Variants in SYNE1 observed in about 807,000 individuals in gnomAD.
The protein encoded by SYNE1 is spectrin repeat containing nuclear envelope protein 1, also known as nesprin-1.
Under a neutral mutation model 1,111.0 loss-of-function variants are expected in SYNE1, and 616 were observed. The ratio of observed to expected loss-of-function variants is 0.55; its 90% CI spans 0.52 to 0.59. The LOEUF is 0.59. Among genes scored for constraint, SYNE1 ranks in the 20% least tolerant of loss-of-function variants. The pLI is 0.00. For synonymous variants in SYNE1, 3,855 were observed against 3,825.8 expected (o/e 1.01, Z -0.28); for missense variants, 10,006 against 10,417.0 (o/e 0.96, Z 1.72).
At position 152,217,056 on chromosome 6, in the gene SYNE1, C is replaced by T. The variant is rs534950838; in HGVS notation, c.22191+1201G>A. On this transcript the variant is annotated intron_variant, in intron 121 of 145. Transcript: ENST00000367255. The stretch of plus-strand genomic sequence containing the variant: ...CCAGCCTGCGCAATAGAGCAAGACT[C>T]TATCTCAAAAAAAAAAAAAATTCAC... 3.6e-3 allele frequency among the ~76,000 whole-genome samples: 454 copies of T among 127,444 alleles called. 2 individuals carry two copies. The highest frequency in any genetic ancestry group is 0.012 in the African/African-American group (431 of 34,616). The allele number at this position is 127,444 out of a possible 152,430, so 83.6% of individuals were successfully genotyped here.
intron 126 of SYNE1, among the ~76,000 whole-genome samples, chr6:152,204,931 T>C (rs761030700): frequency 3.9e-5 from 6 of 152,152 alleles, no homozygotes; most frequent in Non-Finnish European, 7.4e-5. Context: ...CTCTACAGGA[T>C]GAGTTACAAT....
intron 3 of SYNE1, among the ~76,000 whole-genome samples, chr6:152,614,749 A>G (rs1448797670): frequency 1.3e-5 from 2 of 152,248 alleles, no homozygotes; most frequent in Non-Finnish European, 2.9e-5. Flanking sequence ...TCCATCAATG[A>G]TAGACCGAAT....
At chr6:152,182,239 T>C (rs915572803) in intron 128 of SYNE1, among the ~76,000 whole-genome samples, 7 of 152,214 alleles carry the variant, frequency 4.6e-5, no homozygotes, top group South Asian at 2.1e-4. Context: ...CTTGTGTTCA[T>C]AGTGCTGGTT....
chr6:152,505,110 T>A, intron 9 of SYNE1, 91 bp downstream of exon 9: 1 of 1,427,380 alleles, frequency 7.0e-7, no homozygotes, highest in Non-Finnish European at 9.8e-7. Context: ...TGGCCTCCAA[T>A]AGAATCTTGG....
intron 10 of SYNE1, among the ~76,000 whole-genome samples, chr6:152,502,335 C>A (rs1468796199): frequency 6.6e-6 from 1 of 152,188 alleles, no homozygotes. Flanking sequence ...AATACAATTA[C>A]TTCAATTCTC....
intron 6 of SYNE1, among the ~76,000 whole-genome samples, chr6:152,516,802 T>G (rs374807871): frequency 2.6e-5 from 4 of 152,200 alleles, no homozygotes; most frequent in South Asian, 4.2e-4. Context: ...CCCAGGCTGA[T>G]CTCAAACTCC....
At chr6:152,166,814 G>A (rs1398528730) in intron 130 of SYNE1, among the ~76,000 whole-genome samples, 1 of 152,160 alleles carries the variant, frequency 6.6e-6, no homozygotes, top group East Asian at 1.9e-4. Context: ...TGTGCTGGGG[G>A]AGCAGAGGTG....
intron 41 of SYNE1, among the ~76,000 whole-genome samples, chr6:152,414,370 C>A (rs2098120300): frequency 6.6e-6 from 1 of 151,996 alleles, no homozygotes; most frequent in African/African-American, 2.4e-5. Flanking sequence ...GATTGCAACA[C>A]TGCACTCTAG....
At chr6:152,525,806 T>A (rs193008445) in intron 5 of SYNE1, among the ~76,000 whole-genome samples, 11 of 152,352 alleles carry the variant, frequency 7.2e-5, no homozygotes, top group African/African-American at 2.4e-4. Flanking sequence ...TGGTTAATCA[T>A]GTTAAGTTAC....
Position 152,140,024 on chromosome 6 carries a change from C to T in SYNE1, c.25384G>A (p.Glu8462Lys), listed in dbSNP as rs767021373. 1.2e-5 allele frequency: 20 copies of T among 1,614,170 alleles called. No homozygotes were observed. The Admixed American group carries it at 1.7e-4, about 13-fold the overall frequency. ...TCCAGACGCTGGAGCTGTTCCAACT[C>T]CTCCTCCGTGTCCCCCAGCCAGGCC... is the stretch of plus-strand genomic sequence containing the variant. ...IWAWLGDTEEELEQLQRLELS... is the reference protein window; with the variant it reads ...IWAWLGDTEEKLEQLQRLELS... The change falls in exon 140 of 146, where the codon GAG becomes AAG. Residue 8462 changes from glutamate to lysine, a missense_variant. Around this residue, in one of 7 missense-constraint regions of SYNE1, gnomAD observed 761 missense variants for 795.5 expected, o/e 0.96. Transcript: ENST00000367255.
In SYNE1 at chr6:152,364,722, AAGGAAGGG is replaced by A. The variant is rs1345618603; in HGVS notation, c.10145+117_10145+124del. The A allele has an allele frequency of 3.2e-4, 338 of 1,068,594 alleles. 3 individuals are homozygous for A. The African/African-American group carries it at 3.6e-3, about 11-fold the overall frequency. 66.2% of individuals were successfully genotyped at this position (1,068,594 alleles called of 1,614,324 possible). On this transcript the variant is annotated intron_variant, in intron 63 of 145. Coordinates refer to ENST00000367255, the MANE Select transcript of SYNE1 (RefSeq NM_182961.4). ...GAAGGAAGGAAGGAAGGAAGGAAGG[AAGGAAGGG>A]AGGAAGGAAAGGAAAGGGAAGGGAA...
chr6:152,239,881 G>A (rs775697857), intron 107 of SYNE1, among the ~76,000 whole-genome samples, 175 bp from the exon 108 acceptor site: 47 of 151,992 alleles, frequency 3.1e-4, no homozygotes, highest in Non-Finnish European at 2.9e-4. Flanking sequence ...CAATGTGGTG[G>A]AATCCGTTTC....
intron 58 of SYNE1, among the ~76,000 whole-genome samples, chr6:152,375,902 G>A (rs574262025): frequency 1.3e-5 from 2 of 152,060 alleles, no homozygotes; most frequent in African/African-American, 4.8e-5. Flanking sequence ...TTTTAAGTGG[G>A]GATTTATTTG....
chr6:152,318,283 A>T lies in SYNE1; in HGVS notation c.16390-20T>A, dbSNP rs919156180. ...CAGCACCTTGATGGTCACCAAAATGAAAGAACATTAGAGTACAGAAAATAA... is the reference window on the plus strand; with the variant it reads ...CAGCACCTTGATGGTCACCAAAATGTAAGAACATTAGAGTACAGAAAATAA... On this transcript the variant is annotated intron_variant, in intron 85 of 145. Transcript: ENST00000367255. 1 of 1,613,910 alleles carries T rather than the reference A, an allele frequency of 6.2e-7. No individual in the cohort carries two copies. The highest frequency in any genetic ancestry group is 1.3e-5 in the African/African-American group (1 of 74,932).
Position 152,598,035 on chromosome 6 carries a change from G to A in SYNE1, c.67+30230C>T, listed in dbSNP as rs2099586734. On this transcript the variant is annotated intron_variant, in intron 3 of 145. Transcript: ENST00000367255. ...TACATTTAAACGAGGTAAGAAAAAG[G>A]AAATATTTCCTGGGCCTTAGGGAGA... Among the ~76,000 whole-genome samples the A allele has an allele frequency of 2.6e-5, 4 of 152,198 alleles. No individual in the cohort carries two copies. In the South Asian group the frequency reaches 8.3e-4, roughly 32 times the overall value.
At chr6:152,348,804 T>C (rs2096687847) in intron 72 of SYNE1, among the ~76,000 whole-genome samples, 1 of 151,618 alleles carries the variant, frequency 6.6e-6, no homozygotes, top group Admixed American at 6.6e-5. Context: ...CAACATAGGG[T>C]AGCCTGGGTA....
intron 67 of SYNE1, among the ~76,000 whole-genome samples, chr6:152,354,196 C>A (rs116253324): frequency 6.6e-6 from 1 of 152,058 alleles, no homozygotes; most frequent in African/African-American, 2.4e-5. Flanking sequence ...ATTTTTTAGA[C>A]CTCCTATTGT....
rs1029789190 is a variant in SYNE1 at position 152,376,412 on chromosome 6, C to T, written c.9293G>A (p.Ser3098Asn). Residue 3098 changes from serine (S) to asparagine (N), a missense_variant, in exon 58 of 146, where the codon AGT becomes AAT. Transcript: ENST00000367255. ...TTTCTGAAGACTAGTTGAAACTTCACTTATATTTTGAGGTATATCAAAACA... is the reference window on the plus strand; with the variant it reads ...TTTCTGAAGACTAGTTGAAACTTCATTTATATTTTGAGGTATATCAAAACA... ...AKCFDIPQNI[S>N]EVSTSLQKIQ... 6.2e-7 allele frequency: 1 copy of T among 1,614,192 alleles called. No homozygotes were observed. Among genetic ancestry groups the T allele is most frequent in the African/African-American group, 1.3e-5 (1 of 75,052 alleles).
chr6:152,351,992 C>T (rs2096749119), intron 70 of SYNE1, 35 bp downstream of exon 70: 12 of 1,600,596 alleles, frequency 7.5e-6, no homozygotes, highest in Admixed American at 5.0e-5. Flanking sequence ...TCTGTGTGAC[C>T]TCTGCATGCA....
Sources: gnomAD v4.1 joint callset for allele counts (sites outside exome capture counted in the v4.1 genomes callset) on GRCh38, gnomAD v4.1.1 for gene constraint, gnomAD v4.1.1 regional missense constraint, MANE v1.5 for transcripts, NCBI Gene and HGNC (gene_info 2026-07-23, HGNC 2026-07-21) for gene names.